The following SLC24A2 variants were observed in gnomAD, a reference collection of about 807,000 sequenced individuals.
The protein encoded by SLC24A2 is solute carrier family 24 member 2.
SLC24A2 carries 36 observed loss-of-function variants against 62.0 expected under a neutral mutation model. That is an observed-to-expected ratio of 0.58 (90% CI 0.44 to 0.77). The LOEUF (loss-of-function observed/expected upper bound fraction) is 0.77. SLC24A2 is among the 30% of genes least tolerant of loss of function. The pLI, the probability that SLC24A2 is intolerant of heterozygous loss-of-function variation, is 0.00. For synonymous variants in SLC24A2, 358 were observed against 294.0 expected, an observed-to-expected ratio of 1.22 and a Z score of -2.23; for missense variants, 846 against 817.9, an observed-to-expected ratio of 1.03 and a Z score of -0.42.
intron 8 of SLC24A2, among the ~76,000 whole-genome samples, chr9:19,549,870 G>C (rs1032385036): frequency 1.3e-5 from 2 of 152,198 alleles, no homozygotes; most frequent in African/African-American, 4.8e-5. Flanking sequence ...GGGGTAGTTT[G>C]TTATGCAGAT....
the SLC24A2 span, among the ~76,000 whole-genome samples, chr9:20,020,330 A>G: frequency 2.0e-5 from 3 of 152,272 alleles, no homozygotes; most frequent in African/African-American, 4.8e-5. Context: ...CCAAATGTCC[A>G]TCAATGATAG....
chr9:19,979,768 G>C, the SLC24A2 span, among the ~76,000 whole-genome samples: 11 of 152,122 alleles, frequency 7.2e-5, no homozygotes, highest in East Asian at 1.2e-3. Flanking sequence ...ATTGCCATAA[G>C]ACATAGAGAT....
At chr9:20,019,107 A>AAGAGAGAGAGAGAG in the SLC24A2 span, among the ~76,000 whole-genome samples, 1 of 30,210 alleles carries the variant, frequency 3.3e-5, no homozygotes, top group Non-Finnish European at 5.2e-5. Context: ...GAAAGATAGA[A>AAGAGAGAGAGAGAG]AGAAAGAAAG....
chr9:20,119,923 C>G, the SLC24A2 span, among the ~76,000 whole-genome samples: 1 of 152,152 alleles, frequency 6.6e-6, no homozygotes, highest in African/African-American at 2.4e-5. Flanking sequence ...ATCGGAACAA[C>G]ACAAATTTAT....
At chr9:19,899,557 G>A in the SLC24A2 span, among the ~76,000 whole-genome samples, 1 of 152,176 alleles carries the variant, frequency 6.6e-6, no homozygotes, top group African/African-American at 2.4e-5. Context: ...TTGGGGCAGT[G>A]ATAATAGAGA....
chr9:19,760,638 TA>T (rs1173767983), intron 2 of SLC24A2, among the ~76,000 whole-genome samples: 2 of 151,860 alleles, frequency 1.3e-5, no homozygotes, highest in Non-Finnish European at 2.9e-5. Flanking sequence ...GTTCTGGTGT[TA>T]GTTTGCTGAA....
At chr9:20,056,602 C>A in the SLC24A2 span, among the ~76,000 whole-genome samples, 22 of 152,152 alleles carry the variant, frequency 1.4e-4, no homozygotes, top group Non-Finnish European at 2.4e-4. Flanking sequence ...GTTTTCCTAA[C>A]CTGTGTGAAT....
chr9:20,028,203 G>A, the SLC24A2 span, among the ~76,000 whole-genome samples: 1 of 152,150 alleles, frequency 6.6e-6, no homozygotes, highest in Non-Finnish European at 1.5e-5. Flanking sequence ...ATCATAGAAG[G>A]CTTTGGGGTT....
At chr9:20,014,517 T>TATATATATATAC in the SLC24A2 span, among the ~76,000 whole-genome samples, 1 of 148,392 alleles carries the variant, frequency 6.7e-6, no homozygotes, top group African/African-American at 2.5e-5. Context: ...TATATATATA[T>TATATATATATAC]ACACACACAC....
At chr9:20,038,470 C>T in the SLC24A2 span, among the ~76,000 whole-genome samples, 5 of 152,122 alleles carry the variant, frequency 3.3e-5, no homozygotes, top group South Asian at 1.0e-3. Flanking sequence ...GCCTGGAAGC[C>T]TGACTCAACG....
Position 19,518,750 on chromosome 9 carries a change from A to G in SLC24A2, c.1736+2144T>C, listed in dbSNP as rs115485869. On this transcript the variant is annotated intron_variant, in intron 10 of 10. Coordinates refer to ENST00000341998, the MANE Select transcript of SLC24A2 (RefSeq NM_020344.4). The stretch of plus-strand genomic sequence containing the variant: ...ATTTTTATTTTCTAAATCTGTGAGT[A>G]TATGTTAATTTTAGAAGCATAAAGA... Among the ~76,000 whole-genome samples, 289 of 152,240 alleles carry G rather than the reference A, an allele frequency of 1.9e-3. 1 individual carries two copies. Among genetic ancestry groups the G allele is most frequent in the African/African-American group, 6.8e-3 (283 of 41,540 alleles).
the SLC24A2 span, among the ~76,000 whole-genome samples, chr9:20,155,433 A>G: frequency 1.3e-5 from 2 of 151,762 alleles, no homozygotes; most frequent in East Asian, 1.9e-4. Flanking sequence ...TCATCTTACA[A>G]TTACAGAAGA....
the SLC24A2 span, among the ~76,000 whole-genome samples, chr9:19,825,875 A>G: frequency 2.0e-5 from 3 of 152,144 alleles, no homozygotes; most frequent in Non-Finnish European, 4.4e-5. Context: ...TAAGAGGCAC[A>G]TGGGAAAACT....
the SLC24A2 span, among the ~76,000 whole-genome samples, chr9:20,000,508 T>C: frequency 6.6e-6 from 1 of 152,168 alleles, no homozygotes; most frequent in Non-Finnish European, 1.5e-5. Context: ...TCCAGTCTCA[T>C]TGGAGGACAA....
the SLC24A2 span, among the ~76,000 whole-genome samples, chr9:20,056,884 A>T: frequency 3.9e-5 from 6 of 152,258 alleles, no homozygotes; most frequent in African/African-American, 1.4e-4. Context: ...ATAAAAATTT[A>T]AAAAACCCCT....
chr9:20,076,570 G>T, the SLC24A2 span, among the ~76,000 whole-genome samples: 481 of 152,176 alleles, frequency 3.2e-3, 1 homozygote, highest in African/African-American at 0.011. Context: ...AAAGAGTATG[G>T]TCTTGTGACA....
At chr9:20,117,014 C>T in the SLC24A2 span, among the ~76,000 whole-genome samples, 1 of 152,150 alleles carries the variant, frequency 6.6e-6, no homozygotes, top group Non-Finnish European at 1.5e-5. Flanking sequence ...AAATATACCT[C>T]TACTACTTTG....
chr9:19,886,440 C>G, the SLC24A2 span, among the ~76,000 whole-genome samples: 23 of 148,994 alleles, frequency 1.5e-4, no homozygotes, highest in Admixed American at 4.7e-4. Flanking sequence ...ATATGGCAAA[C>G]AAACATATGA....
At chr9:20,222,005 G>C in the SLC24A2 span, among the ~76,000 whole-genome samples, 3,525 of 152,104 alleles carry the variant, frequency 0.023, 146 homozygotes, top group African/African-American at 0.08. Context: ...TAAGTATTTT[G>C]AATTTTTGAA....
Sources: gnomAD v4.1 joint callset for allele counts (sites outside exome capture counted in the v4.1 genomes callset) on GRCh38, gnomAD v4.1.1 for gene constraint, MANE v1.5 for transcripts, NCBI Gene and HGNC (gene_info 2026-07-23, HGNC 2026-07-21) for gene names.